Variants in CPEB1 observed in about 807,000 individuals in gnomAD.
The protein encoded by CPEB1 is cytoplasmic polyadenylation element binding protein 1, also known as cytoplasmic polyadenylation element-binding protein 1.
Under a neutral mutation model 65.8 loss-of-function variants are expected in CPEB1, and 7 were observed. The observed-to-expected ratio is 0.11, with a 90% confidence interval of 0.06 to 0.20. The LOEUF (loss-of-function observed/expected upper bound fraction) is 0.20, where lower values mean the gene tolerates loss of function less well. Among genes scored for constraint, CPEB1 ranks in the 10% least tolerant of loss-of-function variants. CPEB1 has a pLI of 1.00. For missense variants in CPEB1, 551 were observed against 712.2 expected (o/e 0.77, Z 2.58); for synonymous variants, 262 against 260.0 (o/e 1.01, Z -0.08).
intron 4 of CPEB1, among the ~76,000 whole-genome samples, chr15:82,567,633 C>T (rs542649131): frequency 6.5e-4 from 97 of 149,572 alleles, no homozygotes; most frequent in Non-Finnish European, 1.2e-3. Flanking sequence ...GAGACTCCAT[C>T]TCAAAAAAAA....
intron 1 of CPEB1, chr15:82,633,099 C>T (rs1446878226): frequency 6.6e-6 from 1 of 151,858 alleles, no homozygotes; most frequent in Admixed American, 6.6e-5. Context: ...TTTTTTTTGA[C>T]CTTTAGTTGG....
intron 1 of CPEB1, among the ~76,000 whole-genome samples, chr15:82,639,656 G>A (rs1286423230): frequency 6.6e-6 from 1 of 152,164 alleles, no homozygotes; most frequent in Non-Finnish European, 1.5e-5. Flanking sequence ...TCTGACTGGT[G>A]TCTTTTAGCT....
At chr15:82,629,243 T>C in intron 1 of CPEB1, 2 of 984,600 alleles carry the variant, frequency 2.0e-6, no homozygotes, top group Non-Finnish European at 2.4e-6. Context: ...ATGACATATG[T>C]AAAGCATTTT....
At chr15:82,640,011 C>T (rs957007879) in intron 1 of CPEB1, among the ~76,000 whole-genome samples, 7 of 152,184 alleles carry the variant, frequency 4.6e-5, no homozygotes, top group African/African-American at 1.7e-4. Flanking sequence ...ACCCCACGTG[C>T]CTTTTCCCTT....
At chr15:82,584,311 C>T (rs573517366) in intron 3 of CPEB1, among the ~76,000 whole-genome samples, 29 of 138,274 alleles carry the variant, frequency 2.1e-4, no homozygotes, top group African/African-American at 7.3e-4. Flanking sequence ...CATCACTGAA[C>T]GTGAAGATAC....
At chr15:82,600,785 A>G (rs183071062) in intron 3 of CPEB1, among the ~76,000 whole-genome samples, 1 of 152,272 alleles carries the variant, frequency 6.6e-6, no homozygotes, top group African/African-American at 2.4e-5. Context: ...GACTCAGTAA[A>G]GATGATAGGT....
chr15:82,564,400 C>T (rs1395463946), intron 4 of CPEB1, among the ~76,000 whole-genome samples: 1 of 152,208 alleles, frequency 6.6e-6, no homozygotes, highest in East Asian at 1.9e-4. Context: ...ATTCTCCTGC[C>T]TCAGCCTCCC....
In CPEB1 at chr15:82,555,897, C is replaced by T. The variant is rs760857489; in HGVS notation, c.913G>A (p.Glu305Lys). 8 of 1,613,368 alleles carry T rather than the reference C, an allele frequency of 5.0e-6. No homozygotes were observed. The South Asian group carries it at 8.8e-5, about 18-fold the overall frequency. The change falls in exon 6 of 13, where the codon GAG (glutamate) becomes AAG (lysine). Residue 305 changes from glutamate to lysine, a missense_variant. Transcript: ENST00000684509. The part of the protein sequence containing the change: ...APKDPFSIER[E>K]ARLHRQAAAV... ...GCAGCTTGTCGGTGCAGCCTGGCCT[C>T]TCTCTCTATGCTGAAGGGGTCTTTG...
intron 1 of CPEB1, among the ~76,000 whole-genome samples, chr15:82,645,465 T>C (rs776489605): frequency 6.6e-6 from 1 of 151,942 alleles, no homozygotes; most frequent in Non-Finnish European, 1.5e-5. Flanking sequence ...ACTTTTTTAT[T>C]ACAAAGGTTG....
chr15:82,604,198 A>T (rs2043360215), intron 3 of CPEB1, among the ~76,000 whole-genome samples: 1 of 152,092 alleles, frequency 6.6e-6, no homozygotes, highest in Admixed American at 6.6e-5. Flanking sequence ...AAAACAAAAC[A>T]ACGGGCCAGG....
At chr15:82,632,695 CT>C (rs111229793) in intron 1 of CPEB1, among the ~76,000 whole-genome samples, 1,901 of 149,086 alleles carry the variant, frequency 0.013, 35 homozygotes, top group African/African-American at 0.043. Context: ...TTTTTTTTAA[CT>C]TTTTTTTTTC....
At chr15:82,640,550 T>C (rs919718771) in intron 1 of CPEB1, 4 of 152,222 alleles carry the variant, frequency 2.6e-5, no homozygotes, top group African/African-American at 9.6e-5. Flanking sequence ...ACTATGCCTG[T>C]TTTGGCAATA....
At chr15:82,611,863 G>A (rs895656924) in intron 3 of CPEB1, among the ~76,000 whole-genome samples, 42 of 151,090 alleles carry the variant, frequency 2.8e-4, no homozygotes, top group African/African-American at 9.0e-4. Flanking sequence ...GGGGGAGGGA[G>A]GGATCAAAGC....
At chr15:82,581,619 A>G (rs1053583607) in intron 3 of CPEB1, among the ~76,000 whole-genome samples, 4 of 152,214 alleles carry the variant, frequency 2.6e-5, no homozygotes. Flanking sequence ...TTTACATTTT[A>G]ATAATGGCCA....
chr15:82,624,504 T>C (rs1474296175), intron 3 of CPEB1, among the ~76,000 whole-genome samples: 4 of 152,142 alleles, frequency 2.6e-5, no homozygotes, highest in Non-Finnish European at 4.4e-5. Flanking sequence ...TTCCTCCTGC[T>C]TCTCTTAGAA....
intron 3 of CPEB1, among the ~76,000 whole-genome samples, chr15:82,594,945 T>C (rs1281699428): frequency 6.6e-6 from 1 of 152,170 alleles, no homozygotes; most frequent in Non-Finnish European, 1.5e-5. Context: ...TTCACCATCT[T>C]ACATGGGAAT....
Position 82,544,556 on chromosome 15 carries a change from T to C in CPEB1, c.*36A>G, listed in dbSNP as rs1005919907. ...AGGCTGCTTGCCTGACCTGCCAGCT[T>C]TGGGCGCCACAGGCCACTGGGCAAG... On this transcript the variant is annotated 3_prime_UTR_variant, in exon 13 of 13. Coordinates refer to ENST00000684509, the MANE Select transcript of CPEB1 (RefSeq NM_001365242.1). 1.4e-5 allele frequency: 22 copies of C among 1,550,186 alleles called. No individual in the cohort carries two copies. The highest frequency in any genetic ancestry group is 1.8e-5 in the Non-Finnish European group (20 of 1,128,870).
chr15:82,563,192 T>C (rs530272322), intron 4 of CPEB1, among the ~76,000 whole-genome samples: 4 of 152,232 alleles, frequency 2.6e-5, no homozygotes, highest in East Asian at 3.9e-4. Flanking sequence ...AGGGCCTACT[T>C]AGAGCAGAAA....
At chr15:82,619,902 C>T (rs2045135887) in intron 3 of CPEB1, among the ~76,000 whole-genome samples, 2 of 152,146 alleles carry the variant, frequency 1.3e-5, no homozygotes, top group African/African-American at 4.8e-5. Flanking sequence ...TATGACCCAA[C>T]AATCCCTCTC....
Sources: allele counts gnomAD v4.1 joint callset (sites outside exome capture counted in the v4.1 genomes callset), GRCh38; gene constraint gnomAD v4.1.1; transcripts MANE v1.5; gene names NCBI Gene and HGNC (gene_info 2026-07-23, HGNC 2026-07-21).